The following IHO1 variants were observed in gnomAD, a reference collection of about 807,000 sequenced individuals.
IHO1 encodes interactor of HORMAD1 protein 1.
Under a neutral mutation model 31.0 loss-of-function variants are expected in IHO1, and 13 were observed. That is an observed-to-expected ratio of 0.42 (90% CI 0.27 to 0.67). The LOEUF is 0.67. Among genes scored for constraint, IHO1 ranks in the 30% least tolerant of loss-of-function variants. IHO1 has a pLI of 0.24. For synonymous variants in IHO1, 221 were observed against 248.4 expected, an observed-to-expected ratio of 0.89 and a Z score of 1.04; for missense variants, 599 against 687.5, an observed-to-expected ratio of 0.87 and a Z score of 1.44.
At chr3:49,242,479 C>T (rs1172031024) in intron 4 of IHO1, among the ~76,000 whole-genome samples, 2 of 152,106 alleles carry the variant, frequency 1.3e-5, no homozygotes, top group Non-Finnish European at 2.9e-5. Context: ...GGTAGATTTA[C>T]ATACCACAAT....
At chr3:49,251,255 G>A (rs1246124151) in intron 6 of IHO1, among the ~76,000 whole-genome samples, 6 of 150,400 alleles carry the variant, frequency 4.0e-5, no homozygotes, top group Non-Finnish European at 8.9e-5. Context: ...TGAGTAGCTG[G>A]GACTACAGGC....
chr3:49,207,989 G>A (rs2046161347), intron 1 of IHO1, among the ~76,000 whole-genome samples: 1 of 152,044 alleles, frequency 6.6e-6, no homozygotes, highest in African/African-American at 2.4e-5. Context: ...AGCCAGGATG[G>A]TCTCGATCTC....
intron 1 of IHO1, among the ~76,000 whole-genome samples, chr3:49,200,326 G>A (rs1252601541): frequency 6.6e-6 from 1 of 151,750 alleles, no homozygotes; most frequent in East Asian, 1.9e-4. Context: ...TTAGCAGGGC[G>A]TGGTGGCGCA....
intron 2 of IHO1, among the ~76,000 whole-genome samples, chr3:49,229,261 T>C (rs1575577330): frequency 6.6e-6 from 1 of 152,232 alleles, no homozygotes; most frequent in Non-Finnish European, 1.5e-5. Flanking sequence ...CTCTCAGTTT[T>C]ATGCTGCACA....
rs758160719 is a variant in IHO1, at chr3:49,257,092, G to C, written c.1595G>C (p.Arg532Thr). The stretch of plus-strand genomic sequence containing the variant: ...AAGACAGTAAGGGCAGTGCAGGGAA[G>C]ACTCTTGCAGCTCAGCAGGTGCTCT... ...PNKTVRAVQG[R>T]LLQLSRCSSQ... The change falls in exon 8 of 8, where the codon AGA (arginine) becomes ACA (threonine). Residue 532 changes from arginine (R) to threonine (T), a missense_variant. Arg to Thr is a moderately conservative substitution (Grantham distance 71). Transcript: ENST00000452691. 6.2e-7 allele frequency: 1 copy of C among 1,614,204 alleles called. No homozygotes were observed. The highest frequency in any genetic ancestry group is 8.5e-7 in the Non-Finnish European group (1 of 1,180,034).
chr3:49,197,458 G>T (rs903499616), upstream of IHO1, among the ~76,000 whole-genome samples: 1 of 152,130 alleles, frequency 6.6e-6, no homozygotes, highest in African/African-American at 2.4e-5. Flanking sequence ...ATGGTGTCCA[G>T]CCATGTTTTA....
intron 2 of IHO1, among the ~76,000 whole-genome samples, chr3:49,227,477 C>T (rs773465026): frequency 5.3e-5 from 8 of 152,208 alleles, no homozygotes; most frequent in African/African-American, 4.8e-5. Flanking sequence ...TTGCACTCAC[C>T]GACGCAGCAG....
At chr3:49,195,024 G>T (rs2045989127), upstream of IHO1, among the ~76,000 whole-genome samples, 1 of 152,096 alleles carries the variant, frequency 6.6e-6, no homozygotes, top group Non-Finnish European at 1.5e-5. Flanking sequence ...GCCAAGGCAG[G>T]CAGGTTGCTT....
At chr3:49,218,494 G>C (rs2046316167) in intron 2 of IHO1, among the ~76,000 whole-genome samples, 1 of 142,034 alleles carries the variant, frequency 7.0e-6, no homozygotes, top group African/African-American at 2.6e-5. Flanking sequence ...TGATTCTCTT[G>C]CCTCAGACTC....
intron 2 of IHO1, among the ~76,000 whole-genome samples, chr3:49,221,221 C>G (rs535755281): frequency 1.5e-4 from 23 of 150,080 alleles, no homozygotes; most frequent in African/African-American, 5.7e-4. Context: ...AGACACAGAG[C>G]GCTGATTGGT....
chr3:49,240,039 C>G (rs184134578), intron 3 of IHO1, among the ~76,000 whole-genome samples: 1 of 151,320 alleles, frequency 6.6e-6, no homozygotes, highest in East Asian at 1.9e-4. Flanking sequence ...GCTTTTTTTT[C>G]TTTTCTTTTC....
chr3:49,228,331 C>T (rs1479989951), intron 2 of IHO1: 16 of 449,452 alleles, frequency 3.6e-5, no homozygotes, highest in Non-Finnish European at 6.2e-5. Flanking sequence ...CTCTCCACTC[C>T]GAAGAGTCAG....
At chr3:49,229,750 G>A (rs2046459419) in intron 2 of IHO1, among the ~76,000 whole-genome samples, 1 of 152,198 alleles carries the variant, frequency 6.6e-6, no homozygotes. Context: ...GTTGGAGTTG[G>A]TAAAGCCCCT....
intron 3 of IHO1, among the ~76,000 whole-genome samples, 168 bp from the exon 4 acceptor site, chr3:49,241,058 T>G (rs893034537): frequency 6.6e-6 from 1 of 152,246 alleles, no homozygotes; most frequent in African/African-American, 2.4e-5. Context: ...TGCTTTATTT[T>G]AAATATAATT....
At chr3:49,207,025 G>C (rs542108078) in intron 1 of IHO1, among the ~76,000 whole-genome samples, 4 of 143,290 alleles carry the variant, frequency 2.8e-5, no homozygotes. Context: ...TCCAGCCTGG[G>C]TGACAGAGCA....
At chr3:49,216,044 T>G (rs2046282434) in intron 2 of IHO1, among the ~76,000 whole-genome samples, 1 of 152,184 alleles carries the variant, frequency 6.6e-6, no homozygotes, top group Admixed American at 6.5e-5. Context: ...ACAAGTAGTA[T>G]TAATATTATA....
At chr3:49,200,576 C>A (rs1431494464) in intron 1 of IHO1, 2 of 984,616 alleles carry the variant, frequency 2.0e-6, no homozygotes, top group Non-Finnish European at 2.4e-6. Flanking sequence ...TAGTCCATGC[C>A]AATCGGGGCG....
upstream of IHO1, among the ~76,000 whole-genome samples, chr3:49,193,469 C>A (rs1031579586): frequency 6.6e-6 from 1 of 150,956 alleles, no homozygotes; most frequent in Non-Finnish European, 1.5e-5. Context: ...GAGGCTGAGG[C>A]GGGCGGATCA....
At chr3:49,228,332 G>A (rs568586995) in intron 2 of IHO1, 181 of 449,602 alleles carry the variant, frequency 4.0e-4, no homozygotes, top group African/African-American at 2.6e-3. Context: ...TCTCCACTCC[G>A]AAGAGTCAGG....
Sources: gnomAD v4.1 joint callset for allele counts (sites outside exome capture counted in the v4.1 genomes callset) on GRCh38, gnomAD v4.1.1 for gene constraint, MANE v1.5 for transcripts, NCBI Gene and HGNC (gene_info 2026-07-23, HGNC 2026-07-21) for gene names.